The following MVB12B variants were observed in gnomAD, a reference collection of about 807,000 sequenced individuals.
MVB12B encodes multivesicular body subunit 12B.
In MVB12B, 16 loss-of-function variants were observed where a neutral mutation model predicts 41.6. That is an observed-to-expected ratio of 0.38 (90% CI 0.26 to 0.58). The LOEUF (loss-of-function observed/expected upper bound fraction) is 0.58. Among genes scored for constraint, MVB12B ranks in the 20% least tolerant of loss-of-function variants. The pLI, the probability that MVB12B is intolerant of heterozygous loss-of-function variation, is 0.62. For missense variants in MVB12B, 274 were observed against 380.2 expected (o/e 0.72, Z 2.32); for synonymous variants, 133 against 139.7 (o/e 0.95, Z 0.34).
At chr9:126,474,593 G>A (rs973153921) in intron 7 of MVB12B, among the ~76,000 whole-genome samples, 9 of 152,176 alleles carry the variant, frequency 5.9e-5, no homozygotes, top group African/African-American at 2.2e-4. Context: ...TCCCCAGCAA[G>A]TCGCTGTCTG....
At chr9:126,354,475 A>G (rs1292756319) in intron 2 of MVB12B, among the ~76,000 whole-genome samples, 2 of 152,266 alleles carry the variant, frequency 1.3e-5, no homozygotes, top group African/African-American at 4.8e-5. Context: ...GTGTATTTAC[A>G]GAGTCTCAGA....
chr9:126,441,834 A>C (rs1239951722), intron 7 of MVB12B, among the ~76,000 whole-genome samples: 2 of 152,248 alleles, frequency 1.3e-5, no homozygotes, highest in African/African-American at 4.8e-5. Context: ...TGAGCCAAAC[A>C]AGTGGACCAT....
At chr9:126,410,300 C>T (rs1171120789) in intron 6 of MVB12B, among the ~76,000 whole-genome samples, 1 of 152,168 alleles carries the variant, frequency 6.6e-6, no homozygotes, top group African/African-American at 2.4e-5. Flanking sequence ...GGAAAATGAA[C>T]AGGTCTGTGT....
intron 7 of MVB12B, among the ~76,000 whole-genome samples, chr9:126,470,976 C>T (rs1019999284): frequency 6.6e-6 from 1 of 152,182 alleles, no homozygotes; most frequent in Non-Finnish European, 1.5e-5. Flanking sequence ...TCGTTCGTAC[C>T]TAGGGCTTTA....
At chr9:126,460,659 C>G (rs1232839772) in intron 7 of MVB12B, among the ~76,000 whole-genome samples, 3 of 152,028 alleles carry the variant, frequency 2.0e-5, no homozygotes, top group Non-Finnish European at 2.9e-5. Context: ...TGGATTTAGG[C>G]CTCAGCATGT....
intron 1 of MVB12B, among the ~76,000 whole-genome samples, chr9:126,327,726 T>C (rs1308388746): frequency 6.6e-6 from 1 of 152,180 alleles, no homozygotes; most frequent in Non-Finnish European, 1.5e-5. Context: ...TTGTCCTCTT[T>C]GTTACCAACA....
At chr9:126,413,973 C>G (rs889553524) in intron 6 of MVB12B, among the ~76,000 whole-genome samples, 2 of 152,192 alleles carry the variant, frequency 1.3e-5, no homozygotes, top group African/African-American at 4.8e-5. Flanking sequence ...GGCACTGCAG[C>G]TGCCTGGGCA....
intron 9 of MVB12B, among the ~76,000 whole-genome samples, chr9:126,498,272 G>A (rs1035806939): frequency 6.6e-6 from 1 of 152,148 alleles, no homozygotes; most frequent in Non-Finnish European, 1.5e-5. Flanking sequence ...GAGCCGGGGG[G>A]GCTTGGAGAA....
At chr9:126,498,591 C>T (rs1833887225) in intron 9 of MVB12B, among the ~76,000 whole-genome samples, 1 of 152,260 alleles carries the variant, frequency 6.6e-6, no homozygotes, top group African/African-American at 2.4e-5. Context: ...CAATGCCTGC[C>T]CTAATGCAGG....
chr9:126,361,929 A>G (rs550176607), intron 2 of MVB12B, among the ~76,000 whole-genome samples: 5 of 152,028 alleles, frequency 3.3e-5, no homozygotes, highest in African/African-American at 4.8e-5. Context: ...AAAAAAAAAA[A>G]AAGATGTTGC....
intron 6 of MVB12B, among the ~76,000 whole-genome samples, chr9:126,415,744 C>T (rs981453449): frequency 2.9e-4 from 44 of 152,068 alleles, no homozygotes; most frequent in Non-Finnish European, 1.3e-4. Flanking sequence ...GCATTGTTCT[C>T]GCCCCTGGGG....
intron 1 of MVB12B, among the ~76,000 whole-genome samples, chr9:126,327,542 A>T (rs1829016408): frequency 6.6e-6 from 1 of 152,128 alleles, no homozygotes; most frequent in Non-Finnish European, 1.5e-5. Flanking sequence ...TGGGTACCCG[A>T]GACCCAGAGC....
At chr9:126,345,877 G>A (rs1227638263) in intron 2 of MVB12B, among the ~76,000 whole-genome samples, 1 of 152,178 alleles carries the variant, frequency 6.6e-6, no homozygotes, top group East Asian at 1.9e-4. Context: ...GCCCCTTAGT[G>A]AAACTTTTTC....
At chr9:126,472,435 G>A (rs986378336) in intron 7 of MVB12B, among the ~76,000 whole-genome samples, 8 of 145,814 alleles carry the variant, frequency 5.5e-5, no homozygotes, top group East Asian at 2.0e-4. Flanking sequence ...CTGCTTCCCC[G>A]AGAATAGCAA....
At position 126,356,891 on chromosome 9, in the gene MVB12B, C is replaced by T. The variant is rs1009811254; in HGVS notation, c.204+16261C>T. Among the ~76,000 whole-genome samples, 6 of 152,058 alleles carry T rather than the reference C, an allele frequency of 3.9e-5. No homozygotes were observed. The East Asian group carries it at 9.7e-4, about 25-fold the overall frequency. ...TCCATGAGTAAAAGCTCCCTAAGGC[C>T]CCCCAGAAGCCAAGCAGATGCCGGT... On this transcript the variant is annotated intron_variant, in intron 2 of 9. Transcript: ENST00000361171.
At chr9:126,346,159 G>A (rs966661064) in intron 2 of MVB12B, among the ~76,000 whole-genome samples, 2 of 152,174 alleles carry the variant, frequency 1.3e-5, no homozygotes, top group African/African-American at 2.4e-5. Context: ...AAGATCACTT[G>A]GTTGGCACGG....
At chr9:126,410,033 T>C (rs1831585108) in intron 6 of MVB12B, among the ~76,000 whole-genome samples, 1 of 152,252 alleles carries the variant, frequency 6.6e-6, no homozygotes, top group Non-Finnish European at 1.5e-5. Context: ...GCCGTCAAGC[T>C]GCACGTACTT....
chr9:126,469,489 G>A (rs887168248), intron 7 of MVB12B, among the ~76,000 whole-genome samples: 1 of 152,244 alleles, frequency 6.6e-6, no homozygotes, highest in African/African-American at 2.4e-5. Flanking sequence ...CAAGCCTGAG[G>A]TTCCCTGCTC....
chr9:126,447,196 C>G (rs1025855043), intron 7 of MVB12B, among the ~76,000 whole-genome samples: 2 of 149,948 alleles, frequency 1.3e-5, no homozygotes, highest in African/African-American at 4.9e-5. Context: ...CCACCTGCCT[C>G]GGCCTCCCAA....
Sources: gnomAD v4.1 joint callset for allele counts (sites outside exome capture counted in the v4.1 genomes callset) on GRCh38, gnomAD v4.1.1 for gene constraint, MANE v1.5 for transcripts, NCBI Gene and HGNC (gene_info 2026-07-23, HGNC 2026-07-21) for gene names.